TACC2: variants seen among roughly 807,000 people sequenced by gnomAD.
TACC2 encodes transforming acidic coiled-coil-containing protein 2.
TACC2 carries 137 observed loss-of-function variants against 227.3 expected under a neutral mutation model. The ratio of observed to expected loss-of-function variants is 0.60; its 90% confidence interval spans 0.52 to 0.69. The LOEUF (loss-of-function observed/expected upper bound fraction) is 0.69. Ranked by LOEUF, TACC2 falls within the 30% of genes least tolerant of loss-of-function variation. TACC2 has a pLI of 0.00. For synonymous variants in TACC2, 1,523 were observed against 1,487.5 expected (o/e 1.02, Z -0.55); for missense variants, 3,470 against 3,694.4 (o/e 0.94, Z 1.57).
Position 122,229,380 on chromosome 10 carries a change from CCCT to C in TACC2, c.7936_7938del (p.Leu2646del), listed in dbSNP as rs1564726084. 1 of 1,614,014 alleles carries C rather than the reference CCCT, an allele frequency of 6.2e-7. No homozygotes were observed. Among genetic ancestry groups the C allele is most frequent in the Non-Finnish European group, 8.5e-7 (1 of 1,179,996 alleles). On this transcript the variant is annotated inframe_deletion, in exon 15 of 23. Transcript: ENST00000369005. Reference sequence around the variant, plus strand: ...GAGGGCTCCTTTGCCTCTGCTGACGCCCTCCTCAGCAGGCTAGCTCACCCCGTC... The same window carrying C: ...GAGGGCTCCTTTGCCTCTGCTGACGCCCTCAGCAGGCTAGCTCACCCCGTC...
intron 5 of TACC2, among the ~76,000 whole-genome samples, chr10:122,097,006 C>T (rs923496006): frequency 2.0e-5 from 3 of 152,034 alleles, no homozygotes; most frequent in African/African-American, 7.2e-5. Context: ...CTTTTGCAAG[C>T]CTGGCCGAGG....
intron 5 of TACC2, among the ~76,000 whole-genome samples, chr10:122,109,807 T>G (rs2083373714): frequency 6.6e-6 from 1 of 152,216 alleles, no homozygotes; most frequent in South Asian, 2.1e-4. Flanking sequence ...TCTCTCCACT[T>G]AAGTTTTTTA....
chr10:122,115,342 T>C (rs1239652802), intron 5 of TACC2, among the ~76,000 whole-genome samples: 1 of 151,646 alleles, frequency 6.6e-6, no homozygotes, highest in Non-Finnish European at 1.5e-5. Flanking sequence ...CATGCACATA[T>C]GGGGCAGGCT....
chr10:122,088,671 G>T (rs754393213), intron 5 of TACC2, 80 bp downstream of exon 5: 4 of 1,560,464 alleles, frequency 2.6e-6, no homozygotes, highest in Non-Finnish European at 3.5e-6. Context: ...GGAAAGGAGA[G>T]TAGTCCTTAT....
chr10:122,026,770 C>T (rs185950720), intron 2 of TACC2, among the ~76,000 whole-genome samples: 25 of 149,344 alleles, frequency 1.7e-4, no homozygotes, highest in African/African-American at 5.8e-4. Context: ...CAGTAATGTC[C>T]ATTTAAGGTT....
chr10:122,028,150 T>G (rs1453892256), intron 2 of TACC2, among the ~76,000 whole-genome samples: 1 of 137,292 alleles, frequency 7.3e-6, no homozygotes, highest in Non-Finnish European at 1.5e-5. Context: ...TGCAGTGGTG[T>G]GATATCTCAG....
At chr10:122,215,171 C>A (rs2095374310) in intron 9 of TACC2, among the ~76,000 whole-genome samples, 1 of 152,138 alleles carries the variant, frequency 6.6e-6, no homozygotes, top group Admixed American at 6.5e-5. Flanking sequence ...TTAAAGATCT[C>A]CAGCTTGATG....
intron 5 of TACC2, among the ~76,000 whole-genome samples, chr10:122,106,615 G>C (rs1277670883): frequency 1.3e-5 from 2 of 152,212 alleles, no homozygotes. Flanking sequence ...GTATTCTGCA[G>C]GACTCCTTTG....
At chr10:122,055,256 G>A (rs1375373133) in intron 3 of TACC2, among the ~76,000 whole-genome samples, 3 of 152,102 alleles carry the variant, frequency 2.0e-5, no homozygotes, top group South Asian at 2.1e-4. Context: ...GAAGGGTGAC[G>A]TGAACAAGCA....
At chr10:122,201,679 C>T (rs1218298829) in intron 8 of TACC2, among the ~76,000 whole-genome samples, 1 of 152,212 alleles carries the variant, frequency 6.6e-6, no homozygotes, top group Non-Finnish European at 1.5e-5. Flanking sequence ...ATGGATGGAT[C>T]CTGGGATGCT....
intron 1 of TACC2, among the ~76,000 whole-genome samples, chr10:121,993,728 C>T (rs1565016613): frequency 6.6e-6 from 1 of 152,152 alleles, no homozygotes. Flanking sequence ...CTGGCTCAAG[C>T]GATACTCCCA....
intron 3 of TACC2, among the ~76,000 whole-genome samples, chr10:122,061,285 CAAA>C (rs58324245): frequency 4.6e-5 from 4 of 87,100 alleles, no homozygotes; most frequent in East Asian, 4.0e-4. Flanking sequence ...CACTCCGTCT[CAAA>C]AAAAAAAAAA....
At chr10:122,177,023 T>C (rs1374676444) in intron 7 of TACC2, among the ~76,000 whole-genome samples, 1 of 152,174 alleles carries the variant, frequency 6.6e-6, no homozygotes, top group African/African-American at 2.4e-5. Context: ...TACATCACAG[T>C]TGCCTGGAGC....
chr10:122,079,624 G>A (rs909782716), intron 3 of TACC2, among the ~76,000 whole-genome samples: 1 of 152,216 alleles, frequency 6.6e-6, no homozygotes, highest in Non-Finnish European at 1.5e-5. Context: ...ATGACGCCGC[G>A]TGTACTTCAG....
intron 1 of TACC2, among the ~76,000 whole-genome samples, chr10:121,997,542 A>G (rs529622093): frequency 3.5e-4 from 54 of 152,314 alleles, no homozygotes; most frequent in African/African-American, 1.3e-3. Flanking sequence ...GTGGTGGGCC[A>G]GGACCACTCA....
At chr10:122,252,467 T>C (rs1371955687) in intron 22 of TACC2, among the ~76,000 whole-genome samples, 2 of 151,148 alleles carry the variant, frequency 1.3e-5, no homozygotes, top group African/African-American at 4.9e-5. Context: ...GCAGGGGCCA[T>C]AGTGGCAATG....
intron 1 of TACC2, among the ~76,000 whole-genome samples, chr10:122,017,325 C>A (rs921292938): frequency 6.6e-6 from 1 of 152,086 alleles, no homozygotes; most frequent in African/African-American, 2.4e-5. Context: ...GCGTCGCCTG[C>A]GAAGTCCCCT....
intron 5 of TACC2, among the ~76,000 whole-genome samples, chr10:122,110,179 C>T (rs1203460201): frequency 6.6e-6 from 1 of 152,172 alleles, no homozygotes; most frequent in Non-Finnish European, 1.5e-5. Context: ...CAAAAAGAAT[C>T]CTTGGGAAGT....
At chr10:122,228,030 C>G (rs2095661658) in intron 14 of TACC2, 22 bp downstream of exon 14, 2 of 1,607,334 alleles carry the variant, frequency 1.2e-6, no homozygotes, top group Non-Finnish European at 1.7e-6. Context: ...TGGAGGGCCC[C>G]AGATCACAGG....
Sources: gnomAD v4.1 joint callset for allele counts (sites outside exome capture counted in the v4.1 genomes callset) on GRCh38, gnomAD v4.1.1 for gene constraint, MANE v1.5 for transcripts, NCBI Gene and HGNC (gene_info 2026-07-23, HGNC 2026-07-21) for gene names.